SNED1: variants seen among roughly 807,000 people sequenced by gnomAD.
The protein encoded by SNED1 is sushi, nidogen and EGF-like domain-containing protein 1.
SNED1 carries 81 observed loss-of-function variants against 166.7 expected under a neutral mutation model. That is an observed-to-expected ratio of 0.49 (90% CI 0.41 to 0.58). The LOEUF is 0.58. SNED1 is among the 20% of genes least tolerant of loss of function. SNED1 has a pLI of 0.00. For synonymous variants in SNED1, 762 were observed against 822.0 expected (o/e 0.93, Z 1.25); for missense variants, 1,604 against 2,000.2 (o/e 0.80, Z 3.78).
chr2:241,040,785 C>T lies in SNED1; in HGVS notation c.1273+372C>T, dbSNP rs557593340. The T allele has an allele frequency of 2.2e-4, 102 of 473,272 alleles. 1 individual carries two copies. The highest frequency in any genetic ancestry group is 1.6e-3 in the South Asian group (98 of 63,174). The allele number at this position is 473,272 out of a possible 1,614,324, so 29.3% of individuals were successfully genotyped here. ...TTGACTTTTTTAACATCTTCCTCTC[C>T]TACTCTAGAACCCTCAGCACACAAG... On this transcript the variant is annotated intron_variant, in intron 8 of 31. Transcript: ENST00000310397.
intron 2 of SNED1, among the ~76,000 whole-genome samples, chr2:241,032,275 G>A (rs749743759): frequency 5.7e-4 from 86 of 152,082 alleles, no homozygotes; most frequent in Non-Finnish European, 7.2e-4. Flanking sequence ...GCTTGAACCC[G>A]GGAGGCAGAG....
Position 241,018,629 on chromosome 2 carries a change from C to T in SNED1, c.214-11655C>T, listed in dbSNP as rs746871870. ...ACTCACACCCAGACCTGTCACAGGGCGGTGCAGGCACAAGGCCAGCAGGAG... is the reference window on the plus strand; with the variant it reads ...ACTCACACCCAGACCTGTCACAGGGTGGTGCAGGCACAAGGCCAGCAGGAG... On this transcript the variant is annotated intron_variant, in intron 1 of 31. Coordinates refer to ENST00000310397, the MANE Select transcript of SNED1 (RefSeq NM_001080437.3). This position sits in a 1 kb window ranked among gnomAD's most constrained non-coding sequence, Gnocchi z 5.4. Among the ~76,000 whole-genome samples, 2 of 152,176 alleles carry T rather than the reference C, an allele frequency of 1.3e-5. No homozygotes were observed. The highest frequency in any genetic ancestry group is 2.9e-5 in the Non-Finnish European group (2 of 68,030).
At chr2:241,032,641 TAAAAA>T (rs1269328417) in intron 2 of SNED1, among the ~76,000 whole-genome samples, 2 of 152,032 alleles carry the variant, frequency 1.3e-5, no homozygotes, top group African/African-American at 4.8e-5. Flanking sequence ...TAATAAAAAA[TAAAAA>T]ATAATAAAAA....
rs1223462693 is a variant in SNED1, at chr2:241,049,874, A to G, written c.1676A>G (p.His559Arg). 1.9e-6 allele frequency: 3 copies of G among 1,613,728 alleles called. No homozygotes were observed. ...PCFNGGSCDA[H>R]DDSYTCECPR... ...TTCAACGGAGGCTCCTGCGATGCCCATGACGACTCCTACACCTGCGAGTGC... is the reference window on the plus strand; with the variant it reads ...TTCAACGGAGGCTCCTGCGATGCCCGTGACGACTCCTACACCTGCGAGTGC... Residue 559 changes from histidine to arginine, a missense_variant, in exon 12 of 32, where the codon CAT becomes CGT. This residue lies in a region of SNED1 where 1,237 missense variants were observed against 1,620.8 expected (regional missense o/e 0.76). Transcript: ENST00000310397.
chr2:241,019,254 G>A (rs963199047), intron 1 of SNED1, among the ~76,000 whole-genome samples: 6 of 152,118 alleles, frequency 3.9e-5, no homozygotes, highest in African/African-American at 1.4e-4. Context: ...TTCTTGAGGA[G>A]GCTGATCTAG....
chr2:241,073,313 C>A lies in SNED1; in HGVS notation c.3865C>A (p.Arg1289=). ...CGAGAACATGGAGGAAGCCCCCAAG[C>A]GGGTCAGCCTGGCCCTCCAGCTCCC... ...QLENMEEAPK[R]VSLALQLPEH... is the part of the protein sequence containing the mutation. The change falls in exon 27 of 32, where the codon CGG becomes AGG. Residue 1289 remains arginine, a synonymous_variant. Transcript: ENST00000310397. The surrounding 1 kb of genome is among the most constrained non-coding windows in gnomAD (Gnocchi z 6.6). 1 of 1,574,052 alleles carries A rather than the reference C, an allele frequency of 6.4e-7. No individual in the cohort carries two copies. The highest frequency in any genetic ancestry group is 8.6e-7 in the Non-Finnish European group (1 of 1,161,044).
intron 1 of SNED1, among the ~76,000 whole-genome samples, chr2:241,004,697 T>G (rs1401843957): frequency 6.6e-6 from 1 of 152,180 alleles, no homozygotes; most frequent in Non-Finnish European, 1.5e-5. Flanking sequence ...ACACATGTTA[T>G]AAACCCAATA....
chr2:241,048,106 T>C (rs1011153168), intron 8 of SNED1, among the ~76,000 whole-genome samples: 18 of 152,284 alleles, frequency 1.2e-4, no homozygotes, highest in African/African-American at 4.1e-4. Context: ...TGGTGCTTCT[T>C]GTTCTGTCGA....
rs1279561073 is a variant in SNED1, at chr2:241,091,526, C to CCCCGTGTGCACTGCCCTA, written c.*2-112_*2-111insCCCGTGTGCACTGCCCTA. On this transcript the variant is annotated intron_variant, in intron 31 of 31. Transcript: ENST00000310397. The surrounding 1 kb of genome is among the most constrained non-coding windows in gnomAD (Gnocchi z 4.1). ...TGGTGCTCTAAGAACGTGGGGTCCT[C>CCCCGTGTGCACTGCCCTA]TGGGTGACAGAGGCCCTGAGGGCCA... is the stretch of plus-strand genomic sequence containing the variant. 1 of 151,838 alleles carries CCCCGTGTGCACTGCCCTA rather than the reference C, an allele frequency of 6.6e-6. No homozygotes were observed. The highest frequency in any genetic ancestry group is 2.4e-5 in the African/African-American group (1 of 41,262). The allele number at this position is 151,838 out of a possible 1,614,324, so 9.4% of individuals were successfully genotyped here.
At chr2:241,061,412 T>C (rs2062225633) in intron 16 of SNED1, among the ~76,000 whole-genome samples, 2 of 152,134 alleles carry the variant, frequency 1.3e-5, no homozygotes, top group South Asian at 4.1e-4. Context: ...CTGGCAAGAG[T>C]ATAAATTGCT....
At chr2:241,063,501 G>T (rs534208812) in intron 17 of SNED1, 86 bp from the exon 18 acceptor site, 1 of 869,024 alleles carries the variant, frequency 1.2e-6, no homozygotes, top group Non-Finnish European at 1.9e-6. Flanking sequence ...GGTAACTGAA[G>T]CCCCAGGAAA....
intron 27 of SNED1, among the ~76,000 whole-genome samples, chr2:241,079,790 CT>C (rs2063240989): frequency 6.6e-6 from 1 of 152,072 alleles, no homozygotes; most frequent in Admixed American, 6.5e-5. Flanking sequence ...CTGTTCACCC[CT>C]AATGGAATAT....
chr2:241,064,354 C>T lies in SNED1; in HGVS notation c.2599+229C>T, dbSNP rs1326124431. Among the ~76,000 whole-genome samples, 1 of 152,156 alleles carries T rather than the reference C, an allele frequency of 6.6e-6. No homozygotes were observed. Among genetic ancestry groups the T allele is most frequent in the African/African-American group, 2.4e-5 (1 of 41,438 alleles). On this transcript the variant is annotated intron_variant, in intron 19 of 31. Coordinates refer to ENST00000310397, the MANE Select transcript of SNED1 (RefSeq NM_001080437.3). The surrounding 1 kb of genome is among the most constrained non-coding windows in gnomAD (Gnocchi z 7.0). ...CTCCCCATCTCCTGCGCTCACCCCC[C>T]AGACACCCCTCTTCACCCGAGGACA...
intron 14 of SNED1, 24 bp downstream of exon 14, chr2:241,052,181 C>T (rs748053970): frequency 5.0e-5 from 80 of 1,589,932 alleles, no homozygotes; most frequent in Non-Finnish European, 6.5e-5. Context: ...GAGGCCAGGC[C>T]AGGGCGGCCA....
chr2:241,037,293 G>C lies in SNED1; in HGVS notation c.985G>C (p.Gly329Arg), dbSNP rs372731916. The C allele has an allele frequency of 3.7e-6, 6 of 1,611,340 alleles. No homozygotes were observed. In the African/African-American group the frequency reaches 8.0e-5, roughly 22 times the overall value. The stretch of plus-strand genomic sequence containing the variant: ...TCAGAATGGTGGGACCTGTACTCAC[G>C]GCATCAACAGTTTCCGCTGCCAGTG... ...PCQNGGTCTH[G>R]INSFRCQCPA... The change falls in exon 6 of 32, where the codon GGC (glycine) becomes CGC (arginine). Residue 329 changes from glycine to arginine, a missense_variant. This residue lies in a region of SNED1 where 1,237 missense variants were observed against 1,620.8 expected (regional missense o/e 0.76). Transcript: ENST00000310397.
intron 17 of SNED1, chr2:241,063,300 G>A (rs1231956805): frequency 3.9e-6 from 2 of 513,324 alleles, no homozygotes; most frequent in South Asian, 2.1e-5. Flanking sequence ...GGAGGGCAAG[G>A]CCCAGGGAGC....
upstream of SNED1, among the ~76,000 whole-genome samples, chr2:240,998,376 G>A (rs1441707437): frequency 1.3e-5 from 2 of 152,212 alleles, no homozygotes; most frequent in Non-Finnish European, 2.9e-5. Flanking sequence ...GTCCCAGGAC[G>A]GCACTGAGGG....
At chr2:241,045,692 A>G (rs1465533807) in intron 8 of SNED1, among the ~76,000 whole-genome samples, 1 of 149,568 alleles carries the variant, frequency 6.7e-6, no homozygotes, top group Non-Finnish European at 1.5e-5. Flanking sequence ...AAACTATAAG[A>G]TTTTTAGAAG....
chr2:241,033,641 T>C, intron 2 of SNED1, 94 bp from the exon 3 acceptor site: 1 of 1,383,646 alleles, frequency 7.2e-7, no homozygotes, highest in Non-Finnish European at 9.7e-7. Context: ...AGGGGCCCAG[T>C]GGACAATGAC....
Sources: allele counts gnomAD v4.1 joint callset (sites outside exome capture counted in the v4.1 genomes callset), GRCh38; gene constraint gnomAD v4.1.1; regional missense constraint gnomAD v4.1.1; non-coding constraint Gnocchi (gnomAD v3.1); transcripts MANE v1.5; gene names NCBI Gene and HGNC (gene_info 2026-07-23, HGNC 2026-07-21).